Variants in KDM4C observed in about 807,000 individuals in gnomAD.
KDM4C encodes lysine demethylase 4C, also known as lysine-specific demethylase 4C.
Under a neutral mutation model 129.3 loss-of-function variants are expected in KDM4C, and 81 were observed. The ratio of observed to expected loss-of-function variants is 0.63; its 90% CI spans 0.52 to 0.75. The LOEUF is 0.75. KDM4C is among the 30% of genes least tolerant of loss of function. KDM4C has a pLI of 0.00. For synonymous variants in KDM4C, 573 were observed against 456.1 expected (o/e 1.26, Z -3.26); for missense variants, 1,457 against 1,304.0 (o/e 1.12, Z -1.81).
chr9:6,809,037 A>G (rs944981975), intron 3 of KDM4C, among the ~76,000 whole-genome samples: 3 of 152,206 alleles, frequency 2.0e-5, no homozygotes, highest in Non-Finnish European at 4.4e-5. Flanking sequence ...GAATTTAGGT[A>G]TCTTCCTTTA....
At chr9:7,016,651 C>G (rs1586934257) in intron 15 of KDM4C, among the ~76,000 whole-genome samples, 2 of 151,546 alleles carry the variant, frequency 1.3e-5, no homozygotes, top group Non-Finnish European at 2.9e-5. Flanking sequence ...GTCTTGAACT[C>G]CTGACCTCAT....
chr9:7,077,184 C>T, intron 17 of KDM4C: 1 of 985,358 alleles, frequency 1.0e-6, no homozygotes, highest in Non-Finnish European at 1.2e-6. Flanking sequence ...TGTTATCACA[C>T]ATGCTGTGGG....
intron 12 of KDM4C, among the ~76,000 whole-genome samples, chr9:7,003,148 G>A (rs1821042031): frequency 6.6e-6 from 1 of 152,186 alleles, no homozygotes; most frequent in Non-Finnish European, 1.5e-5. Flanking sequence ...TTACAGACGT[G>A]AGCCACTGTG....
chr9:6,949,961 G>C (rs920278455), intron 8 of KDM4C, among the ~76,000 whole-genome samples: 2 of 151,452 alleles, frequency 1.3e-5, no homozygotes, highest in African/African-American at 4.8e-5. Flanking sequence ...TAAGGCTCAA[G>C]TATAACTAGC....
chr9:6,825,291 A>G (rs1833708782), intron 4 of KDM4C, among the ~76,000 whole-genome samples: 1 of 152,184 alleles, frequency 6.6e-6, no homozygotes, highest in African/African-American at 2.4e-5. Flanking sequence ...ATGTTCTGGT[A>G]TAATTTTGAA....
At chr9:7,171,809 A>AT (rs571086731) in intron 21 of KDM4C, among the ~76,000 whole-genome samples, 173 of 150,082 alleles carry the variant, frequency 1.2e-3, no homozygotes, top group Non-Finnish European at 1.9e-3. Context: ...CCAACATTCA[A>AT]TTTTTTTTTT....
intron 14 of KDM4C, among the ~76,000 whole-genome samples, chr9:7,015,072 C>G (rs773992994): frequency 6.6e-6 from 1 of 152,186 alleles, no homozygotes; most frequent in East Asian, 1.9e-4. Flanking sequence ...TACACATATG[C>G]TTTAACTCAT....
At chr9:6,762,478 C>G (rs977186521) in intron 1 of KDM4C, among the ~76,000 whole-genome samples, 3 of 151,874 alleles carry the variant, frequency 2.0e-5, no homozygotes, top group Non-Finnish European at 4.4e-5. Flanking sequence ...GGCCTGCAAG[C>G]TCTATTTCTG....
At chr9:6,724,079 G>A (rs1163014375) in intron 1 of KDM4C, 1 of 152,078 alleles carries the variant, frequency 6.6e-6, no homozygotes, top group African/African-American at 2.4e-5. Flanking sequence ...GGAGGAGAGG[G>A]GATAATACTA....
chr9:6,935,605 G>T (rs562870506), intron 8 of KDM4C, among the ~76,000 whole-genome samples: 175 of 150,992 alleles, frequency 1.2e-3, no homozygotes, highest in Non-Finnish European at 2.2e-3. Context: ...TTTTGAGATG[G>T]ATATTGTGCC....
intron 19 of KDM4C, among the ~76,000 whole-genome samples, chr9:7,130,971 G>A (rs895434295): frequency 2.0e-5 from 3 of 149,632 alleles, no homozygotes; most frequent in Admixed American, 6.7e-5. Context: ...GTCGAACTGC[G>A]TTGCCCGGGC....
chr9:7,085,590 C>G (rs1421029475), intron 17 of KDM4C, among the ~76,000 whole-genome samples: 1 of 152,106 alleles, frequency 6.6e-6, no homozygotes, highest in Non-Finnish European at 1.5e-5. Context: ...ATATTGAAAC[C>G]TGTGAGAGGA....
chr9:6,741,796 G>C (rs867997695), intron 1 of KDM4C, among the ~76,000 whole-genome samples: 1 of 146,314 alleles, frequency 6.8e-6, no homozygotes, highest in African/African-American at 2.5e-5. Context: ...TTGAACTCCT[G>C]GTCTCAAGGG....
chr9:7,142,186 T>A (rs1466079990), intron 19 of KDM4C, among the ~76,000 whole-genome samples: 1 of 152,244 alleles, frequency 6.6e-6, no homozygotes, highest in African/African-American at 2.4e-5. Context: ...TCTTAATCCT[T>A]AGCTCTCTTC....
intron 17 of KDM4C, among the ~76,000 whole-genome samples, chr9:7,083,182 C>A (rs746015519): frequency 6.6e-6 from 1 of 152,128 alleles, no homozygotes. Context: ...ATCCAAAATT[C>A]TTGTTACCAG....
At chr9:7,063,692 A>G (rs919016038) in intron 17 of KDM4C, among the ~76,000 whole-genome samples, 2 of 152,180 alleles carry the variant, frequency 1.3e-5, no homozygotes, top group East Asian at 1.9e-4. Context: ...GTAGTGAAGG[A>G]CCTTACTAGA....
intron 15 of KDM4C, among the ~76,000 whole-genome samples, chr9:7,045,626 AGTT>A (rs1829279682): frequency 1.3e-5 from 2 of 152,116 alleles, no homozygotes; most frequent in South Asian, 4.1e-4. Flanking sequence ...TTCTTCATTG[AGTT>A]GTTAACTCCT....
chr9:6,835,588 A>C, intron 4 of KDM4C: 1 of 939,470 alleles, frequency 1.1e-6, no homozygotes, highest in African/African-American at 1.6e-5. Flanking sequence ...GCGGACTGTG[A>C]CTTAGTTGTG....
intron 7 of KDM4C, among the ~76,000 whole-genome samples, chr9:6,889,553 G>T (rs897626198): frequency 1.3e-5 from 2 of 152,178 alleles, no homozygotes; most frequent in African/African-American, 4.8e-5. Flanking sequence ...GGCTGCTGTG[G>T]CTGTGGGGCT....
Sources: allele counts gnomAD v4.1 joint callset (sites outside exome capture counted in the v4.1 genomes callset), GRCh38; gene constraint gnomAD v4.1.1; transcripts MANE v1.5; gene names NCBI Gene and HGNC (gene_info 2026-07-23, HGNC 2026-07-21).